Variants in RNF150 observed in about 807,000 individuals in gnomAD.
The protein encoded by RNF150 is ring finger protein 150.
A neutral mutation model predicts 39.3 loss-of-function variants in RNF150; 24 were observed. That is an observed-to-expected ratio of 0.61 (90% CI 0.44 to 0.86). RNF150 has a LOEUF of 0.86. RNF150 is among the 40% of genes least tolerant of loss of function. The pLI is 0.00. For missense variants in RNF150, 502 were observed against 587.8 expected, an observed-to-expected ratio of 0.85 and a Z score of 1.51; for synonymous variants, 255 against 227.3, an observed-to-expected ratio of 1.12 and a Z score of -1.10.
At chr4:140,989,092 T>C (rs770096610) in intron 1 of RNF150, among the ~76,000 whole-genome samples, 12 of 152,144 alleles carry the variant, frequency 7.9e-5, no homozygotes, top group South Asian at 2.1e-4. Context: ...GCAGTTTAGC[T>C]TCATTGTAGT....
chr4:140,958,311 C>T (rs1732866270), intron 2 of RNF150, among the ~76,000 whole-genome samples: 2 of 152,042 alleles, frequency 1.3e-5, no homozygotes, highest in African/African-American at 2.4e-5. Flanking sequence ...CTTAACATGA[C>T]AGCCTTGCTT....
chr4:140,999,601 GA>G lies in RNF150; in HGVS notation c.485-31729del, dbSNP rs1166921210. Among the ~76,000 whole-genome samples, 4 of 152,150 alleles carry G rather than the reference GA, an allele frequency of 2.6e-5. No homozygotes were observed. The East Asian group carries it at 7.7e-4, about 29-fold the overall frequency. ...GAAAGTATGACCCAGAATTGTAGGT[GA>G]CTATGTCAGATAACTGAACTTGTAC... On this transcript the variant is annotated intron_variant, in intron 1 of 6. Coordinates refer to ENST00000515673, the MANE Select transcript of RNF150 (RefSeq NM_020724.2).
At chr4:141,168,705 A>G (rs1458488669) in intron 1 of RNF150, among the ~76,000 whole-genome samples, 1 of 152,176 alleles carries the variant, frequency 6.6e-6, no homozygotes, top group Non-Finnish European at 1.5e-5. Flanking sequence ...CAGAAAACCA[A>G]ACACCGCATG....
chr4:140,872,065 A>G (rs1458189416), intron 6 of RNF150, among the ~76,000 whole-genome samples: 1 of 152,236 alleles, frequency 6.6e-6, no homozygotes, highest in Non-Finnish European at 1.5e-5. Flanking sequence ...AGTATGTTCT[A>G]TGTTTTTAAT....
chr4:140,887,341 C>T (rs931725248), intron 6 of RNF150, among the ~76,000 whole-genome samples: 48 of 152,282 alleles, frequency 3.2e-4, no homozygotes, highest in African/African-American at 1.0e-3. Flanking sequence ...AAACATAACG[C>T]ACAATGCTAC....
intron 6 of RNF150, among the ~76,000 whole-genome samples, chr4:140,873,350 G>A (rs991055810): frequency 6.6e-6 from 1 of 152,134 alleles, no homozygotes; most frequent in Non-Finnish European, 1.5e-5. Flanking sequence ...GGCCTGTGCA[G>A]ACATTTATTT....
rs1343650725 is a variant in RNF150, at chr4:141,018,399, A to C, written c.485-50526T>G. On this transcript the variant is annotated intron_variant, in intron 1 of 6. Transcript: ENST00000515673. ...ACTATACAGTGTCTAAATAGACAATACCATCACATCCCTGCTTGTGAAACC... is the reference window on the plus strand; with the variant it reads ...ACTATACAGTGTCTAAATAGACAATCCCATCACATCCCTGCTTGTGAAACC... Among the ~76,000 whole-genome samples the C allele has an allele frequency of 3.3e-5, 5 of 152,276 alleles. No homozygotes were observed. In the East Asian group the frequency reaches 9.7e-4, roughly 29 times the overall value.
chr4:140,870,126 CAA>C (rs879922400), intron 6 of RNF150, among the ~76,000 whole-genome samples: 1 of 151,944 alleles, frequency 6.6e-6, no homozygotes, highest in Non-Finnish European at 1.5e-5. Context: ...AGAGAACAAA[CAA>C]AGAATTATGG....
In RNF150 at chr4:140,967,975, C is replaced by T. The variant is rs1468049535; in HGVS notation, c.485-102G>A. On this transcript the variant is annotated intron_variant, in intron 1 of 6. Coordinates refer to ENST00000515673, the MANE Select transcript of RNF150 (RefSeq NM_020724.2). ...ACAGTAACACGAAACCAAATAAGGA[C>T]AGTACTTTTGAGAATTCTGTGCTGG... The T allele has an allele frequency of 1.1e-5, 12 of 1,044,970 alleles. No individual in the cohort carries two copies. In the East Asian group the frequency reaches 2.9e-4, roughly 25 times the overall value. 64.7% of individuals were successfully genotyped at this position (1,044,970 alleles called of 1,614,324 possible).
At position 140,925,997 on chromosome 4, in the gene RNF150, G is replaced by T; in HGVS notation, c.967C>A (p.Leu323Ile). Residue 323 changes from leucine to isoleucine, a missense_variant, in exon 5 of 7, where the codon CTT (leucine) becomes ATT (isoleucine). Physicochemically the swap from Leu to Ile is conservative, Grantham distance 5. Transcript: ENST00000515673. ...RTCPMCKMNI[L>I]KALGIPPNAD... ...CTTACCGGGATCCCTAGGGCTTTAAGAATGTTCATCTTGCACATGGGACAG... is the reference window on the plus strand; with the variant it reads ...CTTACCGGGATCCCTAGGGCTTTAATAATGTTCATCTTGCACATGGGACAG... 1 of 1,613,310 alleles carries T rather than the reference G, an allele frequency of 6.2e-7. No homozygotes were observed. Among genetic ancestry groups the T allele is most frequent in the East Asian group, 2.2e-5 (1 of 44,882 alleles).
intron 1 of RNF150, among the ~76,000 whole-genome samples, chr4:141,199,461 A>G (rs1728254695): frequency 6.6e-6 from 1 of 152,222 alleles, no homozygotes; most frequent in Non-Finnish European, 1.5e-5. Context: ...ATGTCCTTCA[A>G]CTGATGACTG....
intron 1 of RNF150, among the ~76,000 whole-genome samples, chr4:141,013,355 A>G (rs1226839635): frequency 6.6e-6 from 1 of 152,190 alleles, no homozygotes; most frequent in East Asian, 1.9e-4. Context: ...TTCTTTCTAT[A>G]TATGTTGTAT....
intron 1 of RNF150, among the ~76,000 whole-genome samples, chr4:141,202,476 C>A (rs1728306329): frequency 6.6e-6 from 1 of 151,986 alleles, no homozygotes; most frequent in Non-Finnish European, 1.5e-5. Flanking sequence ...ACACTTTTAT[C>A]CATGTTTTAC....
At chr4:141,122,031 G>A (rs954300978) in intron 1 of RNF150, among the ~76,000 whole-genome samples, 2 of 152,134 alleles carry the variant, frequency 1.3e-5, no homozygotes, top group Admixed American at 6.5e-5. Flanking sequence ...CCAATATGCA[G>A]TCAGGGTGGA....
intron 1 of RNF150, among the ~76,000 whole-genome samples, chr4:141,201,576 G>A (rs1389092168): frequency 6.6e-6 from 1 of 152,008 alleles, no homozygotes; most frequent in African/African-American, 2.4e-5. Context: ...CTCTCTGGAT[G>A]TGCCACCTCC....
intron 6 of RNF150, among the ~76,000 whole-genome samples, chr4:140,907,609 G>A (rs1212932469): frequency 6.6e-6 from 1 of 152,180 alleles, no homozygotes; most frequent in Admixed American, 6.5e-5. Context: ...ACAAATTTTT[G>A]ATCTTTTAAG....
chr4:140,990,900 G>A (rs1232073147), intron 1 of RNF150, among the ~76,000 whole-genome samples: 1 of 152,110 alleles, frequency 6.6e-6, no homozygotes, highest in Non-Finnish European at 1.5e-5. Flanking sequence ...AGACCTTTGA[G>A]GAATCACCAC....
chr4:140,922,789 A>G (rs573800032), intron 5 of RNF150, among the ~76,000 whole-genome samples: 4 of 151,808 alleles, frequency 2.6e-5, no homozygotes, highest in African/African-American at 9.7e-5. Flanking sequence ...CCAATGGAAC[A>G]GAACAGAGCC....
intron 1 of RNF150, among the ~76,000 whole-genome samples, chr4:140,989,646 T>G (rs2111475891): frequency 6.6e-6 from 1 of 152,318 alleles, no homozygotes; most frequent in South Asian, 2.1e-4. Flanking sequence ...CATTTAAATA[T>G]TCATATCAAT....
Sources: gnomAD v4.1 joint callset for allele counts (sites outside exome capture counted in the v4.1 genomes callset) on GRCh38, gnomAD v4.1.1 for gene constraint, MANE v1.5 for transcripts, NCBI Gene and HGNC (gene_info 2026-07-23, HGNC 2026-07-21) for gene names.